Variants in NOS1 observed in about 807,000 individuals in gnomAD.
NOS1 encodes the protein nitric oxide synthase 1.
Under a neutral mutation model 164.5 loss-of-function variants are expected in NOS1, and 51 were observed. The observed-to-expected ratio is 0.31, with a 90% CI of 0.25 to 0.39. The LOEUF (loss-of-function observed/expected upper bound fraction) is 0.39. NOS1 is among the 10% of genes least tolerant of loss of function. The pLI is 1.00. For synonymous variants in NOS1, 719 were observed against 745.8 expected (o/e 0.96, Z 0.59); for missense variants, 1,362 against 1,885.6 (o/e 0.72, Z 5.14).
intron 24 of NOS1, 148 bp downstream of exon 24, chr12:117,226,535 C>T: frequency 1.5e-6 from 1 of 668,080 alleles, no homozygotes; most frequent in East Asian, 2.8e-5. Context: ...GTTTCCTTAA[C>T]AACTAAGAGA....
Position 117,213,589 on chromosome 12 carries a change from C to A in NOS1, c.*1720G>T, listed in dbSNP as rs1956559763. On this transcript the variant is annotated 3_prime_UTR_variant, in exon 29 of 29. Transcript: ENST00000317775. The stretch of plus-strand genomic sequence containing the variant: ...GCCTGGGCCCTTTGGGGTCTTGGTG[C>A]CCCCACTGTAAAGCCCTTTCAAAGA... 1.0e-6 allele frequency: 1 copy of A among 985,344 alleles called. No homozygotes were observed. Among genetic ancestry groups the A allele is most frequent in the African/African-American group, 1.7e-5 (1 of 57,226 alleles). 61.0% of individuals were successfully genotyped at this position (985,344 alleles called of 1,614,324 possible).
At chr12:117,284,106 G>A (rs1371277775) in intron 7 of NOS1, among the ~76,000 whole-genome samples, 5 of 152,106 alleles carry the variant, frequency 3.3e-5, no homozygotes, top group Admixed American at 1.3e-4. Flanking sequence ...TCCTTCTTAC[G>A]GAAGAGAAGA....
At chr12:117,244,424 A>T (rs1413966386) in intron 18 of NOS1, among the ~76,000 whole-genome samples, 2 of 151,788 alleles carry the variant, frequency 1.3e-5, no homozygotes, top group African/African-American at 4.8e-5. Context: ...TTTTTAGTAG[A>T]GACAGGGTTT....
intron 1 of NOS1, among the ~76,000 whole-genome samples, chr12:117,336,802 T>C (rs1266700844): frequency 1.3e-5 from 2 of 152,204 alleles, no homozygotes; most frequent in African/African-American, 4.8e-5. Flanking sequence ...TTCACTCTTC[T>C]TTCTTTTTTT....
chr12:117,297,756 G>A (rs1164879548), intron 3 of NOS1, among the ~76,000 whole-genome samples: 1 of 152,120 alleles, frequency 6.6e-6, no homozygotes, highest in Non-Finnish European at 1.5e-5. Flanking sequence ...TGGACAGAGG[G>A]AGATTTTTTA....
Position 117,214,120 on chromosome 12 carries a change from T to A in NOS1, c.*1189A>T. ...ACGTGGGACCTCATTATGGCAACTC[T>A]TTCCAACCTCATCCACTTTAACCAG... On this transcript the variant is annotated 3_prime_UTR_variant, in exon 29 of 29. Coordinates refer to ENST00000317775, the MANE Select transcript of NOS1 (RefSeq NM_000620.5). 1 of 985,454 alleles carries A rather than the reference T, an allele frequency of 1.0e-6. No homozygotes were observed. Among genetic ancestry groups the A allele is most frequent in the Non-Finnish European group, 1.2e-6 (1 of 829,942 alleles). 61.0% of individuals were successfully genotyped at this position (985,454 alleles called of 1,614,324 possible). A position where few individuals can be genotyped will look rare whatever the true frequency, so the allele number is the denominator to read the frequency against.
At chr12:117,328,333 G>T (rs566641060) in intron 2 of NOS1, among the ~76,000 whole-genome samples, 1 of 152,088 alleles carries the variant, frequency 6.6e-6, no homozygotes, top group Admixed American at 6.6e-5. Context: ...ATCATGCCTG[G>T]CTAATTTTGT....
chr12:117,238,387 C>T (rs929514865), intron 20 of NOS1, among the ~76,000 whole-genome samples: 4 of 152,128 alleles, frequency 2.6e-5, no homozygotes, highest in Non-Finnish European at 4.4e-5. Flanking sequence ...CAATATTTTG[C>T]GTCCTATGTA....
At chr12:117,271,410 T>C (rs904859930) in intron 10 of NOS1, among the ~76,000 whole-genome samples, 4 of 152,090 alleles carry the variant, frequency 2.6e-5, no homozygotes, top group Non-Finnish European at 5.9e-5. Context: ...TCTGAGTAGC[T>C]GGGATTATAG....
chr12:117,310,024 G>C (rs34022865), intron 3 of NOS1, among the ~76,000 whole-genome samples: 2 of 151,910 alleles, frequency 1.3e-5, no homozygotes, highest in Non-Finnish European at 2.9e-5. Context: ...CTCCCACCTC[G>C]GTCTCCAGGG....
In NOS1 at chr12:117,304,556, C is replaced by T. The variant is rs73405451; in HGVS notation, c.852+6910G>A. The stretch of plus-strand genomic sequence containing the variant: ...CAGCTTTGCTTCTACCCCAGAACTA[C>T]GCACACGGCAGGTTATCAAGTGAAT... On this transcript the variant is annotated intron_variant, in intron 3 of 28. Transcript: ENST00000317775. Among the ~76,000 whole-genome samples the T allele has an allele frequency of 1.6e-3, 247 of 152,336 alleles. 2 individuals carry two copies. Among genetic ancestry groups the T allele is most frequent in the African/African-American group, 5.3e-3 (219 of 41,586 alleles).
intron 11 of NOS1, among the ~76,000 whole-genome samples, chr12:117,266,925 TG>T (rs2135989944): frequency 6.6e-6 from 1 of 152,318 alleles, no homozygotes; most frequent in South Asian, 2.1e-4. Flanking sequence ...GCCACACTCC[TG>T]AAACCTCATT....
At position 117,234,577 on chromosome 12, in the gene NOS1, T is replaced by A; in HGVS notation, c.3223A>T (p.Asn1075Tyr). 6.2e-7 allele frequency: 1 copy of A among 1,613,678 alleles called. No individual in the cohort carries two copies. The highest frequency in any genetic ancestry group is 8.5e-7 in the Non-Finnish European group (1 of 1,179,682). The change falls in exon 21 of 29, where the codon AAC becomes TAC. Residue 1075 changes from asparagine (N) to tyrosine (Y), a missense_variant. Physicochemically the swap from Asn to Tyr is moderately radical, Grantham distance 143. Transcript: ENST00000317775. This position sits in a 1 kb window ranked among gnomAD's most constrained non-coding sequence, Gnocchi z 4.3. ...MVKVELLEERNTALGVISNWT... is the reference protein window; with the variant it reads ...MVKVELLEERYTALGVISNWT... Reference sequence around the variant, plus strand: ...CCGGGAATGTTACCTAAAGCCGTGTTCCGCTCCTCCAGCAGTTCCACTTTC... The same window carrying A: ...CCGGGAATGTTACCTAAAGCCGTGTACCGCTCCTCCAGCAGTTCCACTTTC...
chr12:117,243,049 G>A lies in NOS1; in HGVS notation c.2962+248C>T, dbSNP rs1410886908. ...TAGTGCAGAACAAAAAGAAAATATA[G>A]TTGAGTTAAGTTGAGAAGAGGATGG... On this transcript the variant is annotated intron_variant, in intron 19 of 28. Coordinates refer to ENST00000317775, the MANE Select transcript of NOS1 (RefSeq NM_000620.5). The surrounding 1 kb of genome is among the most constrained non-coding windows in gnomAD (Gnocchi z 4.3). Among the ~76,000 whole-genome samples the A allele has an allele frequency of 6.6e-6, 1 of 152,144 alleles. No individual in the cohort carries two copies. The highest frequency in any genetic ancestry group is 1.9e-4 in the East Asian group (1 of 5,184).
intron 9 of NOS1, among the ~76,000 whole-genome samples, chr12:117,274,243 C>T (rs1165079560): frequency 6.6e-6 from 1 of 152,094 alleles, no homozygotes; most frequent in Non-Finnish European, 1.5e-5. Context: ...CAGGGATATG[C>T]AAACGAAACC....
chr12:117,268,655 T>C (rs999771433), intron 10 of NOS1, among the ~76,000 whole-genome samples: 8 of 148,462 alleles, frequency 5.4e-5, no homozygotes, highest in African/African-American at 2.0e-4. Context: ...AGTGGCACGA[T>C]CTTGGCTCAC....
Position 117,234,658 on chromosome 12 carries a change from G to C in NOS1, c.3142C>G (p.Leu1048Val). The C allele has an allele frequency of 6.2e-7, 1 of 1,614,196 alleles. No homozygotes were observed. Among genetic ancestry groups the C allele is most frequent in the South Asian group, 1.1e-5 (1 of 91,082 alleles). Residue 1048 changes from leucine (L) to valine (V), a missense_variant, in exon 21 of 29, where the codon CTC becomes GTC. This residue lies in a region of NOS1 where 737 missense variants were observed against 1,030.3 expected (regional missense o/e 0.72). Transcript: ENST00000317775. This position sits in a 1 kb window ranked among gnomAD's most constrained non-coding sequence, Gnocchi z 4.3. ...LGVFPGNHED[L>V]VNALIERLED... ...AGCCGCTCGATCAGGGCATTCACGAGGTCCTCGTGGTTGCCAGGGAAGACA... is the reference window on the plus strand; with the variant it reads ...AGCCGCTCGATCAGGGCATTCACGACGTCCTCGTGGTTGCCAGGGAAGACA...
chr12:117,321,150 C>A (rs1874898972), intron 2 of NOS1, among the ~76,000 whole-genome samples: 1 of 152,152 alleles, frequency 6.6e-6, no homozygotes, highest in Non-Finnish European at 1.5e-5. Context: ...GCTGGAATTA[C>A]AGGTGTGTGC....
chr12:117,283,747 T>G (rs898194306), intron 7 of NOS1, among the ~76,000 whole-genome samples: 1 of 148,390 alleles, frequency 6.7e-6, no homozygotes, highest in Non-Finnish European at 1.5e-5. Context: ...TCCCAGATAC[T>G]CGGGAGGCTG....
Sources: allele counts gnomAD v4.1 joint callset (sites outside exome capture counted in the v4.1 genomes callset), GRCh38; gene constraint gnomAD v4.1.1; regional missense constraint gnomAD v4.1.1; non-coding constraint Gnocchi (gnomAD v3.1); transcripts MANE v1.5; gene names NCBI Gene and HGNC (gene_info 2026-07-23, HGNC 2026-07-21).